PTN: variants seen among roughly 807,000 people sequenced by gnomAD.
PTN encodes heparin affin regulatory protein.
Under a neutral mutation model 24.1 loss-of-function variants are expected in PTN, and 18 were observed. The ratio of observed to expected loss-of-function variants is 0.75; its 90% confidence interval spans 0.52 to 1.11. The LOEUF (loss-of-function observed/expected upper bound fraction) is 1.11. Ranked by LOEUF, PTN falls within the 50% of genes least tolerant of loss-of-function variation. The pLI is 0.00. For missense variants in PTN, 163 were observed against 198.8 expected, an observed-to-expected ratio of 0.82 and a Z score of 1.08; for synonymous variants, 78 against 68.6, an observed-to-expected ratio of 1.14 and a Z score of -0.67.
At chr7:137,286,768 A>C (rs1030525482) in intron 1 of PTN, among the ~76,000 whole-genome samples, 2 of 152,170 alleles carry the variant, frequency 1.3e-5, no homozygotes, top group African/African-American at 2.4e-5. Flanking sequence ...AAAAAGCAGA[A>C]GTTACCATAT....
At chr7:137,281,801 T>C (rs749926165) in intron 1 of PTN, among the ~76,000 whole-genome samples, 3 of 152,200 alleles carry the variant, frequency 2.0e-5, no homozygotes, top group Non-Finnish European at 4.4e-5. Context: ...GAAATAAGAA[T>C]AGGAACATTT....
chr7:137,342,425 C>T (rs1810548888), intron 1 of PTN, among the ~76,000 whole-genome samples: 1 of 152,088 alleles, frequency 6.6e-6, no homozygotes, highest in Non-Finnish European at 1.5e-5. Context: ...GCACCCCTAC[C>T]CCTCCTATTT....
At chr7:137,254,229 A>T (rs1808877489) in intron 2 of PTN, among the ~76,000 whole-genome samples, 1 of 151,784 alleles carries the variant, frequency 6.6e-6, no homozygotes, top group Admixed American at 6.6e-5. Context: ...ACCGGGAGAC[A>T]GAGGATACAG....
intron 1 of PTN, among the ~76,000 whole-genome samples, chr7:137,283,837 T>G (rs978065106): frequency 2.0e-5 from 3 of 152,126 alleles, no homozygotes; most frequent in Admixed American, 1.3e-4. Context: ...CAAGGTCATT[T>G]GGACCTCATT....
intron 1 of PTN, among the ~76,000 whole-genome samples, chr7:137,259,666 G>A (rs1808999062): frequency 6.6e-6 from 1 of 150,532 alleles, no homozygotes; most frequent in African/African-American, 2.4e-5. Flanking sequence ...TTATCCAAAA[G>A]CAAAACAAAA....
At chr7:137,274,246 C>T (rs1471628160) in intron 1 of PTN, among the ~76,000 whole-genome samples, 1 of 152,122 alleles carries the variant, frequency 6.6e-6, no homozygotes, top group African/African-American at 2.4e-5. Context: ...TCCTTCACTA[C>T]TCACTGACTT....
intron 1 of PTN, among the ~76,000 whole-genome samples, chr7:137,283,952 A>AATTTTTTTTTTTTTTTTTTT (rs1809513014): frequency 2.0e-5 from 1 of 48,912 alleles, no homozygotes; most frequent in Non-Finnish European, 3.3e-5. Context: ...TGAGCATCAG[A>AATTTTTTTTTTTTTTTTTTT]TTTTTTTTTT....
chr7:137,279,616 A>C (rs561626839), intron 1 of PTN, among the ~76,000 whole-genome samples: 19 of 152,342 alleles, frequency 1.2e-4, no homozygotes, highest in Middle Eastern at 3.4e-3. Flanking sequence ...TGGAGCATCC[A>C]TGAGAAAAAT....
intron 1 of PTN, among the ~76,000 whole-genome samples, chr7:137,306,606 T>G (rs1404781265): frequency 6.6e-6 from 1 of 151,494 alleles, no homozygotes; most frequent in African/African-American, 2.4e-5. Context: ...AACTCACCAA[T>G]TTTTTTTTGT....
rs569171264 is a variant in PTN, at chr7:137,318,098, C to T, written c.-2+25341G>A. ...CCTGACCAATATAGTGAAACCTCATCTCTACTGAAAATAAAAAAAATCAGC... is the reference window on the plus strand; with the variant it reads ...CCTGACCAATATAGTGAAACCTCATTTCTACTGAAAATAAAAAAAATCAGC... On this transcript the variant is annotated intron_variant, in intron 1 of 4. Coordinates refer to ENST00000348225, the MANE Select transcript of PTN (RefSeq NM_002825.7). Among the ~76,000 whole-genome samples the T allele has an allele frequency of 2.0e-4, 30 of 152,244 alleles. No individual in the cohort carries two copies. The South Asian group carries it at 5.8e-3, about 29-fold the overall frequency.
intron 4 of PTN, among the ~76,000 whole-genome samples, chr7:137,245,734 T>C (rs1187057691): frequency 6.6e-6 from 1 of 152,086 alleles, no homozygotes; most frequent in Non-Finnish European, 1.5e-5. Context: ...TGGGACAAGA[T>C]GTGGAGGTGG....
chr7:137,291,105 A>G (rs1384806446), intron 1 of PTN, among the ~76,000 whole-genome samples: 1 of 152,166 alleles, frequency 6.6e-6, no homozygotes, highest in Non-Finnish European at 1.5e-5. Context: ...ATTGTGATAT[A>G]TATTTATTCC....
intron 1 of PTN, among the ~76,000 whole-genome samples, chr7:137,287,427 G>C (rs940978758): frequency 6.6e-6 from 1 of 151,884 alleles, no homozygotes; most frequent in African/African-American, 2.4e-5. Flanking sequence ...CACCCAGGAT[G>C]TGAAATAAGT....
At chr7:137,339,476 G>T (rs758170781) in intron 1 of PTN, among the ~76,000 whole-genome samples, 1 of 149,104 alleles carries the variant, frequency 6.7e-6, no homozygotes, top group Non-Finnish European at 1.5e-5. Flanking sequence ...CTCCAGCTGC[G>T]CCTCTACATT....
Position 137,276,375 on chromosome 7 carries a change from A to G in PTN, c.-1-21401T>C, listed in dbSNP as rs78376028. On this transcript the variant is annotated intron_variant, in intron 1 of 4. Coordinates refer to ENST00000348225, the MANE Select transcript of PTN (RefSeq NM_002825.7). ...CGTGCTGGGAATGCAGCATCCTGAG[A>G]TAAAGAGAAACTATTAGAACAGTCC... 5.6e-3 allele frequency among the ~76,000 whole-genome samples: 860 copies of G among 152,320 alleles called. 9 individuals carry two copies. The highest frequency in any genetic ancestry group is 0.019 in the African/African-American group (807 of 41,574).
At chr7:137,252,628 C>T (rs1808848313) in intron 3 of PTN, among the ~76,000 whole-genome samples, 1 of 151,844 alleles carries the variant, frequency 6.6e-6, no homozygotes, top group African/African-American at 2.4e-5. Context: ...GAGAAAAAGA[C>T]ATACATGTAT....
intron 1 of PTN, among the ~76,000 whole-genome samples, chr7:137,266,461 AT>A (rs1409039540): frequency 1.3e-5 from 2 of 151,962 alleles, no homozygotes; most frequent in Non-Finnish European, 2.9e-5. Flanking sequence ...TTTTGCATAA[AT>A]TTTTTTATAA....
intron 1 of PTN, among the ~76,000 whole-genome samples, chr7:137,301,434 C>T (rs1050615000): frequency 6.6e-6 from 1 of 151,834 alleles, no homozygotes; most frequent in Non-Finnish European, 1.5e-5. Flanking sequence ...TGAACCAGCT[C>T]ATGTAAAGAT....
chr7:137,253,354 T>C, intron 3 of PTN, 110 bp downstream of exon 3: 1 of 1,178,140 alleles, frequency 8.5e-7, no homozygotes, highest in Non-Finnish European at 1.2e-6. Flanking sequence ...TTGTGTCTGG[T>C]AAGATAAAGT....
Sources: gnomAD v4.1 joint callset for allele counts (sites outside exome capture counted in the v4.1 genomes callset) on GRCh38, gnomAD v4.1.1 for gene constraint, MANE v1.5 for transcripts, NCBI Gene and HGNC (gene_info 2026-07-23, HGNC 2026-07-21) for gene names.